The following RUVBL2 variants were observed in gnomAD, a reference collection of about 807,000 sequenced individuals.
RUVBL2 encodes the protein ruvB-like 2.
RUVBL2 carries 9 observed loss-of-function variants against 57.9 expected under a neutral mutation model. The ratio of observed to expected loss-of-function variants is 0.16; its 90% CI spans 0.09 to 0.27. The LOEUF (loss-of-function observed/expected upper bound fraction) is 0.27, where lower values mean the gene tolerates loss of function less well. RUVBL2 is among the 10% of genes least tolerant of loss of function. The pLI is 1.00. For synonymous variants in RUVBL2, 278 were observed against 264.6 expected, an observed-to-expected ratio of 1.05 and a Z score of -0.49; for missense variants, 456 against 669.6, an observed-to-expected ratio of 0.68 and a Z score of 3.52.
At position 49,004,204 on chromosome 19, in the gene RUVBL2, T is replaced by C. The variant is rs548019889; in HGVS notation, c.124-73T>C. ...CTAGTAATGTCTGCTTCCATCTCAC[T>C]AGCTTCCTGATGTGGTAGAAATGCC... On this transcript the variant is annotated intron_variant, in intron 3 of 14. Transcript: ENST00000595090. 178 of 1,477,694 alleles carry C rather than the reference T, an allele frequency of 1.2e-4. No individual in the cohort carries two copies. The African/African-American group carries it at 2.3e-3, about 19-fold the overall frequency. 91.5% of individuals were successfully genotyped at this position (1,477,694 alleles called of 1,614,324 possible).
intron 1 of RUVBL2, 91 bp downstream of exon 1, chr19:48,994,014 G>A (rs1296207696): frequency 6.6e-7 from 1 of 1,517,044 alleles, no homozygotes; most frequent in African/African-American, 1.4e-5. Context: ...CTGGGTCTGA[G>A]GGAGGGGGGA....
At chr19:48,997,641 A>G (rs1568632134) in intron 1 of RUVBL2, among the ~76,000 whole-genome samples, 2 of 151,846 alleles carry the variant, frequency 1.3e-5, no homozygotes, top group African/African-American at 2.4e-5. Context: ...AAAAAAAAAA[A>G]AAAGAAAAGA....
At chr19:49,012,942 G>A (rs1720945924) in intron 11 of RUVBL2, among the ~76,000 whole-genome samples, 2 of 150,458 alleles carry the variant, frequency 1.3e-5, no homozygotes, top group South Asian at 2.1e-4. Context: ...TGGGACCACG[G>A]GCATGCACCA....
intron 12 of RUVBL2, 35 bp downstream of exon 12, chr19:49,014,638 A>G (rs2039505359): frequency 1.9e-6 from 3 of 1,611,926 alleles, no homozygotes; most frequent in Non-Finnish European, 2.5e-6. Context: ...CCTGAGACGC[A>G]GGGCTGGGGT....
Position 49,010,490 on chromosome 19 carries a change from C to A in RUVBL2, c.666C>A (p.Thr222=). The A allele has an allele frequency of 6.3e-7, 1 of 1,594,378 alleles. No individual in the cohort carries two copies. The highest frequency in any genetic ancestry group is 8.6e-7 in the Non-Finnish European group (1 of 1,163,932). The stretch of plus-strand genomic sequence containing the variant: ...CTTCCCCCACCCCCGCCCCATAGAC[C>A]AAGTTCGTGCAGTGCCCAGATGGGG... The part of the protein sequence containing the change: ...ARDYDAMGSQ[T]KFVQCPDGEL... The change falls in exon 9 of 15, where the codon ACC becomes ACA. Residue 222 remains threonine, a splice_region_variant and synonymous_variant. Transcript: ENST00000595090.
chr19:49,014,772 TGGGAAAGGGAGGCGA>T (rs1289346658), intron 12 of RUVBL2, among the ~76,000 whole-genome samples, 169 bp downstream of exon 12: 1 of 151,966 alleles, frequency 6.6e-6, no homozygotes, highest in Non-Finnish European at 1.5e-5. Flanking sequence ...GGAGCCACGG[TGGGAAAGGGAGGCGA>T]GGTACCCGTG....
Position 49,015,134 on chromosome 19 carries a change from T to C in RUVBL2, c.1235T>C (p.Val412Ala), listed in dbSNP as rs1273856911. The C allele has an allele frequency of 6.2e-7, 1 of 1,609,072 alleles. No individual in the cohort carries two copies. Among genetic ancestry groups the C allele is most frequent in the Admixed American group, 1.7e-5 (1 of 59,886 alleles). The change falls in exon 13 of 15, where the codon GTG becomes GCG. Residue 412 changes from valine (V) to alanine (A), a missense_variant. This residue lies in a region of RUVBL2 where 67 missense variants were observed against 71.5 expected (regional missense o/e 0.94). Coordinates refer to ENST00000595090, the MANE Select transcript of RUVBL2 (RefSeq NM_006666.3). ...CAGCTCATCACAGCTGCCAGCTTGG[T>C]GTGCCGGAAACGCAAGGTCAGCCGG... is the stretch of plus-strand genomic sequence containing the variant. ...AIQLITAASLVCRKRKGTEVQ... is the reference protein window; with the variant it reads ...AIQLITAASLACRKRKGTEVQ...
chr19:48,995,718 G>A (rs1210273198), intron 1 of RUVBL2, among the ~76,000 whole-genome samples: 2 of 151,972 alleles, frequency 1.3e-5, no homozygotes, highest in Non-Finnish European at 2.9e-5. Context: ...GGGTGCGGTG[G>A]CTCACACCTG....
rs1046278288 is a variant in RUVBL2 at position 49,010,373 on chromosome 19, C to T, written c.664-115C>T. 1.5e-5 allele frequency: 16 copies of T among 1,083,912 alleles called. No homozygotes were observed. In the African/African-American group the frequency reaches 2.5e-4, roughly 17 times the overall value. 67.1% of individuals were successfully genotyped at this position (1,083,912 alleles called of 1,614,324 possible). ...GGGTTTCCAGATGACCCCATTTAGC[C>T]TCCCAGCTCCATTTCCTGGAGCTCC... On this transcript the variant is annotated intron_variant, in intron 8 of 14. Transcript: ENST00000595090.
chr19:49,010,494 T>C lies in RUVBL2; in HGVS notation c.670T>C (p.Phe224Leu). 8.1e-6 allele frequency: 4 copies of C among 493,572 alleles called. No individual in the cohort carries two copies. Among genetic ancestry groups the C allele is most frequent in the Non-Finnish European group, 1.6e-5 (4 of 256,060 alleles). 30.6% of individuals were successfully genotyped at this position (493,572 alleles called of 1,614,324 possible). Residue 224 changes from phenylalanine (F) to leucine (L), a missense_variant, in exon 9 of 15, where the codon TTC (phenylalanine) becomes CTC (leucine). By Grantham distance (22) the Phe-to-Leu change is conservative. Coordinates refer to ENST00000595090, the MANE Select transcript of RUVBL2 (RefSeq NM_006666.3). ...DYDAMGSQTKFVQCPDGELQK... is the reference protein window; with the variant it reads ...DYDAMGSQTKLVQCPDGELQK... The stretch of plus-strand genomic sequence containing the variant: ...CCCCACCCCCGCCCCATAGACCAAG[T>C]TCGTGCAGTGCCCAGATGGGGAGCT...
intron 4 of RUVBL2, among the ~76,000 whole-genome samples, chr19:49,004,976 A>G (rs549954725): frequency 1.3e-5 from 2 of 152,118 alleles, no homozygotes; most frequent in Admixed American, 6.5e-5. Flanking sequence ...AAAAATTAAA[A>G]AAAAAAAAAC....
chr19:49,006,383 C>T (rs1205101910), intron 4 of RUVBL2, among the ~76,000 whole-genome samples: 1 of 152,236 alleles, frequency 6.6e-6, no homozygotes, highest in Non-Finnish European at 1.5e-5. Flanking sequence ...GGCGGTAGAG[C>T]GTCCTGCCCT....
rs761042338 is a variant in RUVBL2, at chr19:49,009,894, G to A, written c.569+12G>A. 1 of 1,613,774 alleles carries A rather than the reference G, an allele frequency of 6.2e-7. No individual in the cohort carries two copies. Among genetic ancestry groups the A allele is most frequent in the Non-Finnish European group, 8.5e-7 (1 of 1,179,776 alleles). The stretch of plus-strand genomic sequence containing the variant: ...AAGGTCCAGGCCGGGTGAGCAGTCA[G>A]GGGCCATGCCAGGCAGCCAGGGGGA... On this transcript the variant is annotated intron_variant, in intron 7 of 14. Transcript: ENST00000595090.
At chr19:48,998,732 A>C in intron 1 of RUVBL2, among the ~76,000 whole-genome samples, 1 of 148,752 alleles carries the variant, frequency 6.7e-6, no homozygotes, top group Non-Finnish European at 1.5e-5. Flanking sequence ...AAAAAAAAGA[A>C]ATGGGGAGGA....
At position 49,010,619 on chromosome 19, in the gene RUVBL2, C is replaced by G; in HGVS notation, c.787+8C>G. 6.2e-7 allele frequency: 1 copy of G among 1,613,302 alleles called. No homozygotes were observed. The highest frequency in any genetic ancestry group is 8.5e-7 in the Non-Finnish European group (1 of 1,179,868). ...TCCTGGCGCTCTTCTCAGGTGAGGCCCCTCCTGCCCTGCCCTGCCCTGCCC... is the reference window on the plus strand; with the variant it reads ...TCCTGGCGCTCTTCTCAGGTGAGGCGCCTCCTGCCCTGCCCTGCCCTGCCC... On this transcript the variant is annotated splice_region_variant and intron_variant, in intron 9 of 14. Coordinates refer to ENST00000595090, the MANE Select transcript of RUVBL2 (RefSeq NM_006666.3).
chr19:48,998,461 TTGG>T (rs1313035633), intron 1 of RUVBL2, among the ~76,000 whole-genome samples: 2 of 150,726 alleles, frequency 1.3e-5, no homozygotes, highest in African/African-American at 4.9e-5. Flanking sequence ...TTGGGAGGCC[TTGG>T]TGGGCAGATC....
At chr19:49,010,294 C>T in intron 8 of RUVBL2, 194 bp from the exon 9 acceptor site, 1 of 690,134 alleles carries the variant, frequency 1.4e-6, no homozygotes, top group South Asian at 1.9e-5. Flanking sequence ...CCGGGAGCCC[C>T]CGTGACCCTC....
intron 1 of RUVBL2, among the ~76,000 whole-genome samples, chr19:48,997,659 AC>A (rs2039090032): frequency 6.6e-6 from 1 of 151,578 alleles, no homozygotes; most frequent in South Asian, 2.1e-4. Flanking sequence ...AGAAAAAAGA[AC>A]TCCATTCCTT....
chr19:49,004,282 G>T lies in RUVBL2; in HGVS notation c.129G>T (p.Ser43=). The change falls in exon 4 of 15, where the codon TCG becomes TCT. Residue 43 remains serine, a synonymous_variant. Transcript: ENST00000595090. ...LDDALEPRQA[S]QGMVGQLAAR... ...TGTGCGCCTCCCACCCACAGGCTTC[G>T]CAAGGCATGGTGGGTCAGCTGGCGG... The T allele has an allele frequency of 2.5e-6, 4 of 1,611,550 alleles. No homozygotes were observed. The highest frequency in any genetic ancestry group is 1.3e-5 in the African/African-American group (1 of 75,006).
Sources: allele counts gnomAD v4.1 joint callset (sites outside exome capture counted in the v4.1 genomes callset), GRCh38; gene constraint gnomAD v4.1.1; regional missense constraint gnomAD v4.1.1; transcripts MANE v1.5; gene names NCBI Gene and HGNC (gene_info 2026-07-23, HGNC 2026-07-21).